PARD3: variants seen among roughly 807,000 people sequenced by gnomAD.
The protein encoded by PARD3 is partitioning defective 3 homolog.
Under a neutral mutation model 155.4 loss-of-function variants are expected in PARD3, and 75 were observed. The ratio of observed to expected loss-of-function variants is 0.48; its 90% CI spans 0.40 to 0.58. PARD3 has a LOEUF of 0.58. Among genes scored for constraint, PARD3 ranks in the 20% least tolerant of loss-of-function variants. The pLI, the probability that PARD3 is intolerant of heterozygous loss-of-function variation, is 0.00. For missense variants in PARD3, 1,642 were observed against 1,721.7 expected (o/e 0.95, Z 0.82); for synonymous variants, 576 against 610.5 (o/e 0.94, Z 0.83).
intron 2 of PARD3, among the ~76,000 whole-genome samples, chr10:34,677,709 C>T (rs1012849534): frequency 1.3e-5 from 2 of 152,182 alleles, no homozygotes; most frequent in Admixed American, 6.5e-5. Flanking sequence ...TGCTGCAAGG[C>T]ACCACTCTTC....
intron 1 of PARD3, among the ~76,000 whole-genome samples, chr10:34,784,083 C>T (rs1239988363): frequency 6.6e-6 from 1 of 152,070 alleles, no homozygotes; most frequent in Non-Finnish European, 1.5e-5. Context: ...TGGTGATACA[C>T]GCCTGTAGTC....
At chr10:34,692,348 G>A (rs534179816) in intron 2 of PARD3, among the ~76,000 whole-genome samples, 4 of 152,032 alleles carry the variant, frequency 2.6e-5, no homozygotes, top group East Asian at 1.9e-4. Flanking sequence ...GGTCCTGGAC[G>A]AGACTTCATG....
chr10:34,350,903 T>C (rs1393812671), intron 14 of PARD3, among the ~76,000 whole-genome samples: 1 of 152,188 alleles, frequency 6.6e-6, no homozygotes, highest in Non-Finnish European at 1.5e-5. Context: ...TACAGTCTTT[T>C]GCTACAGTAA....
chr10:34,771,152 A>T (rs897398102), intron 1 of PARD3, among the ~76,000 whole-genome samples: 2 of 152,216 alleles, frequency 1.3e-5, no homozygotes. Context: ...ACAAAAAGTA[A>T]ATTCATAATG....
chr10:34,667,973 A>G (rs74837794), intron 2 of PARD3, among the ~76,000 whole-genome samples: 6,507 of 152,310 alleles, frequency 0.043, 439 homozygotes, highest in African/African-American at 0.15. Context: ...GAGGAGGTGC[A>G]GTACACTAAT....
intron 2 of PARD3, among the ~76,000 whole-genome samples, chr10:34,531,042 A>G (rs887371772): frequency 2.0e-5 from 3 of 152,244 alleles, no homozygotes; most frequent in Non-Finnish European, 4.4e-5. Flanking sequence ...ATGTTGTGCA[A>G]TCAAAAGATT....
chr10:34,494,902 G>A (rs778064892), intron 3 of PARD3, among the ~76,000 whole-genome samples: 3 of 152,126 alleles, frequency 2.0e-5, no homozygotes, highest in African/African-American at 4.8e-5. Context: ...CTGGTAACAG[G>A]ATTGATAAGG....
intron 19 of PARD3, among the ~76,000 whole-genome samples, 199 bp from the exon 20 acceptor site, chr10:34,317,537 C>T (rs901485763): frequency 2.0e-5 from 3 of 152,092 alleles, no homozygotes; most frequent in Non-Finnish European, 4.4e-5. Flanking sequence ...ACGTGAAGAT[C>T]GTGTGCCAAG....
intron 1 of PARD3, among the ~76,000 whole-genome samples, chr10:34,808,715 G>T (rs911075827): frequency 6.6e-6 from 1 of 152,156 alleles, no homozygotes; most frequent in Non-Finnish European, 1.5e-5. Flanking sequence ...AACTCTGTGG[G>T]GAGGTAGAAC....
In PARD3 at chr10:34,814,957, G is replaced by A. The variant is rs1241766266; in HGVS notation, c.39C>T (p.Val13=). 10 of 1,560,648 alleles carry A rather than the reference G, an allele frequency of 6.4e-6. No individual in the cohort carries two copies. Among genetic ancestry groups the A allele is most frequent in the Non-Finnish European group, 8.7e-6 (10 of 1,155,776 alleles). ...VTVCFGRTRV[V]VPCGDGHMKV... ...TCATGTGGCCGTCCCCGCACGGCAC[G>A]ACCACCCGGGTCCGTCCGAAGCACA... The change falls in exon 1 of 25, where the codon GTC becomes GTT. Residue 13 remains valine (V), a synonymous_variant. Transcript: ENST00000374788.
chr10:34,784,456 TG>T (rs140137762), intron 1 of PARD3, among the ~76,000 whole-genome samples: 52,636 of 150,732 alleles, frequency 0.35, 10,232 homozygotes, highest in African/African-American at 0.54. Flanking sequence ...TTTTTTTTTT[TG>T]GAGACGGAGT....
At chr10:34,599,922 C>A (rs954886469) in intron 2 of PARD3, among the ~76,000 whole-genome samples, 4 of 152,112 alleles carry the variant, frequency 2.6e-5, no homozygotes, top group Non-Finnish European at 5.9e-5. Context: ...ACAAAGAAGC[C>A]TACATTTGTC....
chr10:34,393,898 C>T (rs1243336027), intron 7 of PARD3, among the ~76,000 whole-genome samples: 5 of 146,380 alleles, frequency 3.4e-5, no homozygotes, highest in South Asian at 2.2e-4. Context: ...AGTGCAGTGG[C>T]GCGATCTCAG....
chr10:34,352,189 AT>A (rs1194979216), intron 14 of PARD3, among the ~76,000 whole-genome samples: 5 of 152,244 alleles, frequency 3.3e-5, no homozygotes, highest in Admixed American at 2.6e-4. Context: ...TCTTTAAAAT[AT>A]TTAAAACTCA....
At chr10:34,677,814 T>C (rs1454930735) in intron 2 of PARD3, among the ~76,000 whole-genome samples, 2 of 152,130 alleles carry the variant, frequency 1.3e-5, no homozygotes, top group Admixed American at 6.5e-5. Context: ...AGGGCACACA[T>C]AACCCATGGC....
At chr10:34,439,158 G>C (rs10763993) in intron 5 of PARD3, among the ~76,000 whole-genome samples, 71,756 of 152,024 alleles carry the variant, frequency 0.47, 20,354 homozygotes, top group Non-Finnish European at 0.62. Context: ...GAGAGGTCAG[G>C]GAAGCTTCTG....
intron 4 of PARD3, among the ~76,000 whole-genome samples, chr10:34,459,372 C>T (rs1413479016): frequency 5.3e-5 from 8 of 151,928 alleles, no homozygotes; most frequent in African/African-American, 1.2e-4. Context: ...GGGGTTTCAC[C>T]GTGTTAGCCA....
intron 1 of PARD3, among the ~76,000 whole-genome samples, chr10:34,697,760 A>G (rs1036598918): frequency 2.5e-5 from 2 of 81,402 alleles, no homozygotes; most frequent in African/African-American, 7.7e-5. Context: ...GTAAGTTTGT[A>G]AAACAAACAC....
chr10:34,302,591 T>A (rs1957206205), intron 20 of PARD3, among the ~76,000 whole-genome samples: 1 of 152,182 alleles, frequency 6.6e-6, no homozygotes, highest in Non-Finnish European at 1.5e-5. Context: ...TCCATCACAC[T>A]GAGAAGGGCA....
Sources: gnomAD v4.1 joint callset for allele counts (sites outside exome capture counted in the v4.1 genomes callset) on GRCh38, gnomAD v4.1.1 for gene constraint, MANE v1.5 for transcripts, NCBI Gene and HGNC (gene_info 2026-07-23, HGNC 2026-07-21) for gene names.